The following DERA variants were observed in gnomAD, a reference collection of about 807,000 sequenced individuals.
DERA encodes the protein deoxyribose-phosphate aldolase, also known as 2-deoxy-D-ribose 5-phosphate aldolase.
Under a neutral mutation model 41.1 loss-of-function variants are expected in DERA, and 15 were observed. That is an observed-to-expected ratio of 0.37 (90% confidence interval 0.24 to 0.56). The LOEUF (loss-of-function observed/expected upper bound fraction) is 0.56. Among genes scored for constraint, DERA ranks in the 20% least tolerant of loss-of-function variants. DERA has a pLI of 0.81. For missense variants in DERA, 396 were observed against 403.4 expected, an observed-to-expected ratio of 0.98 and a Z score of 0.16; for synonymous variants, 139 against 137.4, an observed-to-expected ratio of 1.01 and a Z score of -0.08.
intron 5 of DERA, among the ~76,000 whole-genome samples, chr12:15,968,642 G>A (rs1439351992): frequency 6.6e-6 from 1 of 152,234 alleles, no homozygotes; most frequent in Non-Finnish European, 1.5e-5. Flanking sequence ...TCTTGGACAG[G>A]TTCTTCTCTG....
At chr12:15,937,474 C>T (rs758047137) in intron 1 of DERA, among the ~76,000 whole-genome samples, 5 of 152,162 alleles carry the variant, frequency 3.3e-5, no homozygotes, top group Non-Finnish European at 5.9e-5. Context: ...TCCAGTTTCC[C>T]GCTTTGACCT....
chr12:15,950,145 G>A lies in DERA; in HGVS notation c.32-6791G>A, dbSNP rs545771759. On this transcript the variant is annotated intron_variant, in intron 1 of 8. Coordinates refer to ENST00000428559, the MANE Select transcript of DERA (RefSeq NM_015954.4). Reference sequence around the variant, plus strand: ...TCTTGCACAAGAAAGAATTTAGGGCGAGTCCAGAGTAAAGTGAAAGCAAGT... The same window carrying A: ...TCTTGCACAAGAAAGAATTTAGGGCAAGTCCAGAGTAAAGTGAAAGCAAGT... Among the ~76,000 whole-genome samples the A allele has an allele frequency of 5.3e-5, 8 of 152,298 alleles. No individual in the cohort carries two copies. In the South Asian group the frequency reaches 1.2e-3, roughly 24 times the overall value.
chr12:15,926,423 C>T (rs969019867), intron 1 of DERA, among the ~76,000 whole-genome samples: 5 of 152,024 alleles, frequency 3.3e-5, no homozygotes, highest in East Asian at 3.9e-4. Context: ...TATGGTATTT[C>T]GAATATGCAG....
intron 1 of DERA, among the ~76,000 whole-genome samples, chr12:15,944,091 G>T (rs1041056341): frequency 1.3e-5 from 2 of 152,014 alleles, no homozygotes; most frequent in Non-Finnish European, 2.9e-5. Context: ...GTATTCCATG[G>T]TGTATATGTG....
intron 5 of DERA, among the ~76,000 whole-genome samples, chr12:15,969,251 A>C (rs1423575109): frequency 6.6e-6 from 1 of 152,224 alleles, no homozygotes; most frequent in Non-Finnish European, 1.5e-5. Context: ...CTCTGTAAAT[A>C]TACAGAGGTG....
In DERA at chr12:15,966,921, G is replaced by A. The variant is rs1049641406; in HGVS notation, c.508+3974G>A. ...CTGAGCACCAGGACCACCTGGACCC[G>A]GGGCCACCTGCTCCAGAACTCGTAT... On this transcript the variant is annotated intron_variant, in intron 5 of 8. Coordinates refer to ENST00000428559, the MANE Select transcript of DERA (RefSeq NM_015954.4). This position sits in a 1 kb window ranked among gnomAD's most constrained non-coding sequence, Gnocchi z 5.1. 6.6e-6 allele frequency among the ~76,000 whole-genome samples: 1 copy of A among 152,010 alleles called. No individual in the cohort carries two copies. Among genetic ancestry groups the A allele is most frequent in the Admixed American group, 6.6e-5 (1 of 15,258 alleles).
At chr12:15,919,056 C>G (rs1591997468) in intron 1 of DERA, among the ~76,000 whole-genome samples, 1 of 152,174 alleles carries the variant, frequency 6.6e-6, no homozygotes, top group East Asian at 1.9e-4. Context: ...TAGATTTTAA[C>G]TGGGGCATCC....
At position 15,976,334 on chromosome 12, in the gene DERA, C is replaced by T. The variant is rs1296842186; in HGVS notation, c.509-5974C>T. On this transcript the variant is annotated intron_variant, in intron 5 of 8. Transcript: ENST00000428559. The surrounding 1 kb of genome is among the most constrained non-coding windows in gnomAD (Gnocchi z 4.1). ...CTGGCTCTACTTGCCAAGTCCTCCC[C>T]AACCCCTAGAATTTTCAGTCCTCGC... 6.6e-6 allele frequency among the ~76,000 whole-genome samples: 1 copy of T among 152,190 alleles called. No individual in the cohort carries two copies. The highest frequency in any genetic ancestry group is 1.5e-5 in the Non-Finnish European group (1 of 68,032).
chr12:15,988,638 G>T lies in DERA; in HGVS notation c.637+6202G>T, dbSNP rs1221560804. Among the ~76,000 whole-genome samples, 1 of 152,170 alleles carries T rather than the reference G, an allele frequency of 6.6e-6. No individual in the cohort carries two copies. Among genetic ancestry groups the T allele is most frequent in the Non-Finnish European group, 1.5e-5 (1 of 68,022 alleles). ...GACTGCCTGAATGGTCATCAATGAA[G>T]TTCTCACTCCAGGCTGTGGCCTTCA... On this transcript the variant is annotated intron_variant, in intron 6 of 8. Coordinates refer to ENST00000428559, the MANE Select transcript of DERA (RefSeq NM_015954.4). The surrounding 1 kb of genome is among the most constrained non-coding windows in gnomAD (Gnocchi z 6.0).
In DERA at chr12:15,982,485, A is replaced by C; in HGVS notation, c.637+49A>C. 1.3e-6 allele frequency: 2 copies of C among 1,526,022 alleles called. No individual in the cohort carries two copies. Among genetic ancestry groups the C allele is most frequent in the Non-Finnish European group, 1.8e-6 (2 of 1,137,610 alleles). The allele number at this position is 1,526,022 out of a possible 1,614,324, so 94.5% of individuals were successfully genotyped here. A position where few individuals can be genotyped will look rare whatever the true frequency, so the allele number is the denominator to read the frequency against. ...TGTTTTCTATTGAATTGATGTTTTTAGGAGAAATTAAGTAAGTGAAAGCAT... is the reference window on the plus strand; with the variant it reads ...TGTTTTCTATTGAATTGATGTTTTTCGGAGAAATTAAGTAAGTGAAAGCAT... On this transcript the variant is annotated intron_variant, in intron 6 of 8. Transcript: ENST00000428559. The surrounding 1 kb of genome is among the most constrained non-coding windows in gnomAD (Gnocchi z 4.0).
intron 1 of DERA, among the ~76,000 whole-genome samples, chr12:15,929,131 A>G (rs1426032372): frequency 2.0e-5 from 3 of 152,210 alleles, no homozygotes; most frequent in African/African-American, 7.2e-5. Context: ...TCTCCCAGCA[A>G]CCAGCATCCA....
rs1205973955 is a variant in DERA at position 16,032,641 on chromosome 12, A to G, written c.737A>G (p.Lys246Arg). The G allele has an allele frequency of 4.5e-6, 7 of 1,553,986 alleles. No homozygotes were observed. The Admixed American group carries it at 5.8e-5, about 13-fold the overall frequency. ...MLRAIRDFFW[K>R]TGNKIGFKPA... ...CGGGCCATTAGAGATTTCTTCTGGA[A>G]AACTGGAAACAAGGTATATTATTGC... Residue 246 changes from lysine (K) to arginine (R), a missense_variant, in exon 7 of 9, where the codon AAA becomes AGA. Transcript: ENST00000428559.
intron 5 of DERA, among the ~76,000 whole-genome samples, chr12:15,975,771 T>G (rs75432920): frequency 0.098 from 14,918 of 152,326 alleles, 1,004 homozygotes; most frequent in Non-Finnish European, 0.14. Flanking sequence ...GGCTCCTCTA[T>G]CCTTTTTATG....
At position 15,967,412 on chromosome 12, in the gene DERA, A is replaced by T. The variant is rs1160336149; in HGVS notation, c.508+4465A>T. On this transcript the variant is annotated intron_variant, in intron 5 of 8. Coordinates refer to ENST00000428559, the MANE Select transcript of DERA (RefSeq NM_015954.4). This position sits in a 1 kb window ranked among gnomAD's most constrained non-coding sequence, Gnocchi z 4.9. The stretch of plus-strand genomic sequence containing the variant: ...GAAATGGCCTGAGCAAGAGAGTGAG[A>T]CCCTGTCTCAAACAAACAAACAAAC... 6.6e-6 allele frequency among the ~76,000 whole-genome samples: 1 copy of T among 152,054 alleles called. No individual in the cohort carries two copies. Among genetic ancestry groups the T allele is most frequent in the Non-Finnish European group, 1.5e-5 (1 of 68,016 alleles).
At chr12:15,960,248 T>C (rs935225999) in intron 4 of DERA, among the ~76,000 whole-genome samples, 4 of 150,118 alleles carry the variant, frequency 2.7e-5, no homozygotes, top group Non-Finnish European at 4.4e-5. Flanking sequence ...TATATGTATA[T>C]GTATATATAC....
chr12:15,975,514 G>A (rs1275439349), intron 5 of DERA, among the ~76,000 whole-genome samples: 1 of 152,228 alleles, frequency 6.6e-6, no homozygotes, highest in Non-Finnish European at 1.5e-5. Context: ...GAGCTAACTT[G>A]TTAGTTCTAC....
chr12:15,930,743 A>G (rs986139090), intron 1 of DERA, among the ~76,000 whole-genome samples: 4 of 152,196 alleles, frequency 2.6e-5, no homozygotes, highest in Non-Finnish European at 4.4e-5. Context: ...ACTTCAGGAA[A>G]TGAAGTTGTT....
intron 1 of DERA, among the ~76,000 whole-genome samples, chr12:15,919,358 G>A (rs1319023712): frequency 6.6e-6 from 1 of 152,060 alleles, no homozygotes; most frequent in Non-Finnish European, 1.5e-5. Context: ...GCTTCTGCCA[G>A]GAAAGAAAGA....
At chr12:15,969,761 T>G (rs1948647714) in intron 5 of DERA, among the ~76,000 whole-genome samples, 1 of 152,202 alleles carries the variant, frequency 6.6e-6, no homozygotes, top group Non-Finnish European at 1.5e-5. Flanking sequence ...ACAAGAAGGA[T>G]GGTAGAAAGA....
Sources: allele counts gnomAD v4.1 joint callset (sites outside exome capture counted in the v4.1 genomes callset), GRCh38; gene constraint gnomAD v4.1.1; non-coding constraint Gnocchi (gnomAD v3.1); transcripts MANE v1.5; gene names NCBI Gene and HGNC (gene_info 2026-07-23, HGNC 2026-07-21).